The following MGMT variants were observed in gnomAD, a reference collection of about 807,000 sequenced individuals.
MGMT encodes the protein methylated-DNA--protein-cysteine methyltransferase.
In MGMT, 14 loss-of-function variants were observed where a neutral mutation model predicts 15.9. The observed-to-expected ratio is 0.88, with a 90% CI of 0.58 to 1.37. The LOEUF (loss-of-function observed/expected upper bound fraction) is 1.37, where lower values mean the gene tolerates loss of function less well. MGMT is among the 40% of genes most tolerant of loss of function. The pLI, the probability that MGMT is intolerant of heterozygous loss-of-function variation, is 0.00. For synonymous variants in MGMT, 130 were observed against 118.2 expected (o/e 1.10, Z -0.65); for missense variants, 282 against 268.1 (o/e 1.05, Z -0.36).
chr10:129,584,664 C>T (rs1375489231), intron 2 of MGMT, among the ~76,000 whole-genome samples: 1 of 152,134 alleles, frequency 6.6e-6, no homozygotes, highest in African/African-American at 2.4e-5. Flanking sequence ...CCCTCTGGTA[C>T]CAGCCCACCA....
intron 1 of MGMT, among the ~76,000 whole-genome samples, chr10:129,518,043 G>C (rs1190356305): frequency 1.3e-5 from 2 of 152,032 alleles, no homozygotes; most frequent in African/African-American, 4.8e-5. Context: ...GCATCTCTGG[G>C]GAGGGAGCGC....
intron 2 of MGMT, among the ~76,000 whole-genome samples, chr10:129,623,434 A>G (rs1256020440): frequency 6.6e-6 from 1 of 152,132 alleles, no homozygotes; most frequent in Non-Finnish European, 1.5e-5. Context: ...AATGCACTGG[A>G]CCAGCCACCA....
intron 2 of MGMT, among the ~76,000 whole-genome samples, chr10:129,671,406 TGGCCTG>T (rs1156599276): frequency 2.6e-5 from 4 of 151,542 alleles, no homozygotes; most frequent in Non-Finnish European, 5.9e-5. Context: ...TGGTAAACTA[TGGCCTG>T]GGGCTGGGGC....
At chr10:129,765,255 ATTCT>A (rs1219427177) in intron 4 of MGMT, among the ~76,000 whole-genome samples, 1 of 152,152 alleles carries the variant, frequency 6.6e-6, no homozygotes, top group Non-Finnish European at 1.5e-5. Context: ...TCTCCAGCCA[ATTCT>A]TTCTTTAGAA....
At position 129,720,287 on chromosome 10, in the gene MGMT, T is replaced by C. The variant is rs137962683; in HGVS notation, c.274+12244T>C. Among the ~76,000 whole-genome samples, 12 of 152,354 alleles carry C rather than the reference T, an allele frequency of 7.9e-5. No homozygotes were observed. In the East Asian group the frequency reaches 2.3e-3, roughly 29 times the overall value. On this transcript the variant is annotated intron_variant, in intron 3 of 4. Coordinates refer to ENST00000651593, the MANE Select transcript of MGMT (RefSeq NM_002412.5). ...GCTGCCTGCTGGGACTCCTGCACTC[T>C]GGGATGACACGTTCAAAGCGTGTGC...
chr10:129,754,590 T>C (rs999883984), intron 3 of MGMT, among the ~76,000 whole-genome samples: 2 of 152,242 alleles, frequency 1.3e-5, no homozygotes, highest in Non-Finnish European at 2.9e-5. Flanking sequence ...TCTGCTGCTA[T>C]AACAACACTG....
intron 1 of MGMT, among the ~76,000 whole-genome samples, chr10:129,530,374 G>A (rs1845917257): frequency 6.6e-6 from 1 of 152,198 alleles, no homozygotes; most frequent in African/African-American, 2.4e-5. Flanking sequence ...AAAGTTGCAA[G>A]CAACGTATGG....
In MGMT at chr10:129,755,892, G is replaced by A. The variant is rs1848800521; in HGVS notation, c.275-3310G>A. 4.6e-5 allele frequency among the ~76,000 whole-genome samples: 7 copies of A among 152,212 alleles called. No individual in the cohort carries two copies. In the South Asian group the frequency reaches 1.4e-3, roughly 31 times the overall value. On this transcript the variant is annotated intron_variant, in intron 3 of 4. Coordinates refer to ENST00000651593, the MANE Select transcript of MGMT (RefSeq NM_002412.5). Reference sequence around the variant, plus strand: ...GGCAGAGCCAGGCTGGTCCCGGTCTGTGTCCTCCTGCCGTGCTCTGGTGTG... The same window carrying A: ...GGCAGAGCCAGGCTGGTCCCGGTCTATGTCCTCCTGCCGTGCTCTGGTGTG...
chr10:129,570,448 G>A (rs879379882), intron 2 of MGMT, among the ~76,000 whole-genome samples: 5 of 152,266 alleles, frequency 3.3e-5, no homozygotes, highest in Admixed American at 2.6e-4. Context: ...CACGTGTCAC[G>A]AGGCACATCC....
chr10:129,646,139 AC>A (rs1473088013), intron 2 of MGMT, among the ~76,000 whole-genome samples: 2 of 152,176 alleles, frequency 1.3e-5, no homozygotes, highest in African/African-American at 4.8e-5. Context: ...GCAAAGTCAC[AC>A]TAAGAGCCTC....
chr10:129,572,553 G>C (rs948970435), intron 2 of MGMT, among the ~76,000 whole-genome samples: 1 of 152,156 alleles, frequency 6.6e-6, no homozygotes, highest in African/African-American at 2.4e-5. Context: ...TATCTTTCCA[G>C]ATTTTCAGAA....
chr10:129,733,496 C>G (rs1848525749), intron 3 of MGMT, among the ~76,000 whole-genome samples: 1 of 148,438 alleles, frequency 6.7e-6, no homozygotes, highest in Admixed American at 6.7e-5. Flanking sequence ...AAATTTTCTC[C>G]CATTTTGTAG....
intron 1 of MGMT, among the ~76,000 whole-genome samples, chr10:129,509,723 C>T (rs1239885882): frequency 1.3e-5 from 2 of 152,200 alleles, no homozygotes; most frequent in African/African-American, 4.8e-5. Flanking sequence ...TCATGGGATT[C>T]TGGGATACAG....
intron 2 of MGMT, among the ~76,000 whole-genome samples, chr10:129,685,355 C>T (rs954624635): frequency 6.6e-6 from 1 of 152,172 alleles, no homozygotes; most frequent in African/African-American, 2.4e-5. Context: ...TGTCCTGGCT[C>T]CCTCTGGCCA....
In MGMT at chr10:129,639,652, C is replaced by T. The variant is rs114851227; in HGVS notation, c.126-68243C>T. On this transcript the variant is annotated intron_variant, in intron 2 of 4. Coordinates refer to ENST00000651593, the MANE Select transcript of MGMT (RefSeq NM_002412.5). Reference sequence around the variant, plus strand: ...TTTGAATTAAATGAACATGAAAGCACAACCTATCAAAAGCTGTGGGTTGCG... The same window carrying T: ...TTTGAATTAAATGAACATGAAAGCATAACCTATCAAAAGCTGTGGGTTGCG... 2.3e-3 allele frequency among the ~76,000 whole-genome samples: 345 copies of T among 152,248 alleles called. 1 individual carries two copies. The highest frequency in any genetic ancestry group is 7.8e-3 in the African/African-American group (325 of 41,548).
In MGMT at chr10:129,608,439, A is replaced by G. The variant is rs575606218; in HGVS notation, c.125+72062A>G. ...GAACCTTTCCACTTTCACCCACTGT[A>G]AATCTATAAGTAATCAGGCTTCTAA... On this transcript the variant is annotated intron_variant, in intron 2 of 4. Transcript: ENST00000651593. Among the ~76,000 whole-genome samples, 8 of 152,372 alleles carry G rather than the reference A, an allele frequency of 5.3e-5. No homozygotes were observed. The East Asian group carries it at 1.5e-3, about 29-fold the overall frequency.
chr10:129,727,448 A>G (rs1341177418), intron 3 of MGMT, among the ~76,000 whole-genome samples: 3 of 152,180 alleles, frequency 2.0e-5, no homozygotes, highest in Admixed American at 2.0e-4. Flanking sequence ...ACAACTGCTG[A>G]GCCCGACCCT....
chr10:129,470,176 G>A (rs556859485), intron 1 of MGMT, among the ~76,000 whole-genome samples: 2 of 152,286 alleles, frequency 1.3e-5, no homozygotes, highest in African/African-American at 4.8e-5. Context: ...TTATATGGGA[G>A]GGAGGAGGTT....
Position 129,768,457 on chromosome 10 carries a change from G to T in MGMT, c.*1460G>T, listed in dbSNP as rs1316929110. ...TTGCTCCTGGCAGGCCTCAGGTGCC[G>T]CACGCCGCGTCACCGTCAGGACTCG... On this transcript the variant is annotated 3_prime_UTR_variant, in exon 5 of 5. Transcript: ENST00000651593. 6.6e-6 allele frequency among the ~76,000 whole-genome samples: 1 copy of T among 152,232 alleles called. No homozygotes were observed. Among genetic ancestry groups the T allele is most frequent in the Admixed American group, 6.5e-5 (1 of 15,284 alleles).
Sources: gnomAD v4.1 joint callset for allele counts (sites outside exome capture counted in the v4.1 genomes callset) on GRCh38, gnomAD v4.1.1 for gene constraint, MANE v1.5 for transcripts, NCBI Gene and HGNC (gene_info 2026-07-23, HGNC 2026-07-21) for gene names.